ERCC8: variants seen among roughly 807,000 people sequenced by gnomAD.
ERCC8 encodes the protein ERCC excision repair 8, CSA ubiquitin ligase complex subunit, also known as DNA excision repair protein ERCC-8.
In ERCC8, 52 loss-of-function variants were observed where a neutral mutation model predicts 54.9. The observed-to-expected ratio is 0.95, with a 90% CI of 0.76 to 1.19. The LOEUF is 1.19. Among genes scored for constraint, ERCC8 ranks in the 50% most tolerant of loss-of-function variants. The pLI, the probability that ERCC8 is intolerant of heterozygous loss-of-function variation, is 0.00. For synonymous variants in ERCC8, 146 were observed against 157.2 expected, an observed-to-expected ratio of 0.93 and a Z score of 0.53; for missense variants, 514 against 466.1, an observed-to-expected ratio of 1.10 and a Z score of -0.95.
At chr5:60,880,003 C>A (rs1426164116) in intron 11 of ERCC8, among the ~76,000 whole-genome samples, 2 of 152,154 alleles carry the variant, frequency 1.3e-5, no homozygotes, top group Non-Finnish European at 2.9e-5. Context: ...GTGGCTGGTA[C>A]CGGTTGTTCC....
intron 1 of ERCC8, among the ~76,000 whole-genome samples, chr5:60,931,758 A>T (rs1749915424): frequency 6.6e-6 from 1 of 152,272 alleles, no homozygotes; most frequent in South Asian, 2.1e-4. Flanking sequence ...TTCAAATTAC[A>T]ACAGAATATA....
At chr5:60,901,395 T>C (rs976160579) in intron 7 of ERCC8, among the ~76,000 whole-genome samples, 1 of 152,008 alleles carries the variant, frequency 6.6e-6, no homozygotes, top group African/African-American at 2.4e-5. Flanking sequence ...GCTCTACATA[T>C]TCAACAGGGA....
intron 1 of ERCC8, among the ~76,000 whole-genome samples, chr5:60,943,744 T>A (rs1580057226): frequency 6.6e-6 from 1 of 152,078 alleles, no homozygotes; most frequent in East Asian, 1.9e-4. Context: ...GTGGCAACAA[T>A]GACACTGCCG....
chr5:60,943,239 C>A (rs1324585244), intron 1 of ERCC8, among the ~76,000 whole-genome samples: 4 of 152,024 alleles, frequency 2.6e-5, no homozygotes, highest in Non-Finnish European at 5.9e-5. Flanking sequence ...CCACTGCATT[C>A]CAGCCTGGGT....
chr5:60,881,747 G>A (rs1209949216), intron 11 of ERCC8, among the ~76,000 whole-genome samples: 1 of 152,164 alleles, frequency 6.6e-6, no homozygotes, highest in African/African-American at 2.4e-5. Flanking sequence ...GATTTTCCAG[G>A]TGCCGTCTGT....
intron 1 of ERCC8, among the ~76,000 whole-genome samples, chr5:60,938,742 G>C (rs1750168412): frequency 6.6e-6 from 1 of 152,100 alleles, no homozygotes; most frequent in African/African-American, 2.4e-5. Flanking sequence ...TCCACTTAAG[G>C]GATGTAAAGT....
At chr5:60,936,731 T>C (rs1335231505) in intron 1 of ERCC8, among the ~76,000 whole-genome samples, 1 of 152,232 alleles carries the variant, frequency 6.6e-6, no homozygotes, top group East Asian at 1.9e-4. Context: ...ACTATTATCA[T>C]TCAGTTCAAA....
At chr5:60,911,686 AC>A (rs888732890) in intron 4 of ERCC8, among the ~76,000 whole-genome samples, 2 of 152,108 alleles carry the variant, frequency 1.3e-5, no homozygotes, top group Admixed American at 1.3e-4. Flanking sequence ...CCTGAATGGT[AC>A]TGCCTAGGTT....
chr5:60,922,238 T>G, intron 2 of ERCC8, 83 bp from the exon 3 acceptor site: 1 of 883,280 alleles, frequency 1.1e-6, no homozygotes, highest in Non-Finnish European at 1.8e-6. Context: ...TTCTAAAAAC[T>G]GATTTGCAAA....
Position 60,869,548 on chromosome 5 carries a change from G to A in ERCC8, c.*5067C>T, listed in dbSNP as rs959273797. On this transcript the variant is annotated 3_prime_UTR_variant, in exon 12 of 12. Transcript: ENST00000676185. Reference sequence around the variant, plus strand: ...AAAGGTTTTAAAATCTATTTTAAATGGGGCTTTTTAGTATAAACTGGACAC... The same window carrying A: ...AAAGGTTTTAAAATCTATTTTAAATAGGGCTTTTTAGTATAAACTGGACAC... Among the ~76,000 whole-genome samples the A allele has an allele frequency of 2.0e-5, 3 of 152,104 alleles. No individual in the cohort carries two copies. Among genetic ancestry groups the A allele is most frequent in the Admixed American group, 6.5e-5 (1 of 15,272 alleles).
chr5:60,944,726 A>ACCC (rs1300642410), intron 1 of ERCC8, among the ~76,000 whole-genome samples: 3 of 34,116 alleles, frequency 8.8e-5, no homozygotes, highest in Admixed American at 2.6e-4. Flanking sequence ...ACCCCCGGGG[A>ACCC]ACCCCCCCCA....
intron 1 of ERCC8, among the ~76,000 whole-genome samples, chr5:60,933,140 T>G (rs1749958191): frequency 1.3e-5 from 2 of 152,058 alleles, no homozygotes; most frequent in African/African-American, 2.4e-5. Flanking sequence ...TATTTTTGTT[T>G]TAATGTTTTA....
Position 60,869,510 on chromosome 5 carries a change from T to C in ERCC8, c.*5105A>G, listed in dbSNP as rs748713247. On this transcript the variant is annotated 3_prime_UTR_variant, in exon 12 of 12. Coordinates refer to ENST00000676185, the MANE Select transcript of ERCC8 (RefSeq NM_000082.4). ...TTGGTACAGTTTAAGGTTTTGTCTT[T>C]AGAGAATTTTTTAAAGGTTTTAAAA... Among the ~76,000 whole-genome samples the C allele has an allele frequency of 3.9e-5, 6 of 152,192 alleles. No homozygotes were observed. The highest frequency in any genetic ancestry group is 8.8e-5 in the Non-Finnish European group (6 of 68,024).
At chr5:60,892,877 C>A in intron 9 of ERCC8, 1 of 702,760 alleles carries the variant, frequency 1.4e-6, no homozygotes, top group Non-Finnish European at 2.6e-6. Context: ...GGCTGCTTTT[C>A]CCAATATTGG....
chr5:60,893,680 AGGCTCCG>A, intron 9 of ERCC8: 1 of 485,482 alleles, frequency 2.1e-6, no homozygotes, highest in South Asian at 2.8e-5. Context: ...TTGTGCTGCT[AGGCTCCG>A]GACTTCTGGC....
In ERCC8 at chr5:60,903,587, C is replaced by T. The variant is rs372370196; in HGVS notation, c.550+61G>A. 1.0e-5 allele frequency: 16 copies of T among 1,605,054 alleles called. No individual in the cohort carries two copies. In the African/African-American group the frequency reaches 1.1e-4, roughly 11 times the overall value. ...CTTACAAAGAATACACTGTTAGTAA[C>T]GTTTCTTTTTATTGAATCGTTTACT... On this transcript the variant is annotated intron_variant, in intron 6 of 11. Coordinates refer to ENST00000676185, the MANE Select transcript of ERCC8 (RefSeq NM_000082.4).
In ERCC8 at chr5:60,868,918, T is replaced by C. The variant is rs1747807617; in HGVS notation, c.*5697A>G. Among the ~76,000 whole-genome samples, 1 of 152,226 alleles carries C rather than the reference T, an allele frequency of 6.6e-6. No individual in the cohort carries two copies. Among genetic ancestry groups the C allele is most frequent in the Admixed American group, 6.5e-5 (1 of 15,284 alleles). ...TAGAAAGCAAAGTGATTGTTTTCCT[T>C]TCTGTAATTAGCTTTCCCTGCTATA... On this transcript the variant is annotated 3_prime_UTR_variant, in exon 12 of 12. Transcript: ENST00000676185.
Position 60,873,545 on chromosome 5 carries a change from C to T in ERCC8, c.*1070G>A, listed in dbSNP as rs1055442820. ...CAAAAAAATTAACCGGGCGCAGTGG[C>T]GGGAGCCTGTAATCCCAGCTACTCA... On this transcript the variant is annotated 3_prime_UTR_variant, in exon 12 of 12. Coordinates refer to ENST00000676185, the MANE Select transcript of ERCC8 (RefSeq NM_000082.4). 2.0e-5 allele frequency among the ~76,000 whole-genome samples: 3 copies of T among 152,030 alleles called. No individual in the cohort carries two copies. The highest frequency in any genetic ancestry group is 4.8e-5 in the African/African-American group (2 of 41,400).
chr5:60,899,308 T>A (rs1748806333), intron 8 of ERCC8, among the ~76,000 whole-genome samples: 3 of 152,038 alleles, frequency 2.0e-5, no homozygotes, highest in Non-Finnish European at 2.9e-5. Flanking sequence ...TAATTTATTG[T>A]GACTTTTTAA....
Sources: allele counts gnomAD v4.1 joint callset (sites outside exome capture counted in the v4.1 genomes callset), GRCh38; gene constraint gnomAD v4.1.1; transcripts MANE v1.5; gene names NCBI Gene and HGNC (gene_info 2026-07-23, HGNC 2026-07-21).